Variants in XDH observed in about 807,000 individuals in gnomAD.
XDH encodes xanthine dehydrogenase.
XDH carries 138 observed loss-of-function variants against 156.1 expected under a neutral mutation model. That is an observed-to-expected ratio of 0.88 (90% CI 0.77 to 1.02). The LOEUF (loss-of-function observed/expected upper bound fraction) is 1.02, where lower values mean the gene tolerates loss of function less well. Ranked by LOEUF, XDH falls within the 50% of genes least tolerant of loss-of-function variation. The probability of loss-of-function intolerance (pLI) is 0.00; values close to 1 mark genes in which losing one functional copy is unlikely to be tolerated. For missense variants in XDH, 1,849 were observed against 1,684.9 expected, an observed-to-expected ratio of 1.10 and a Z score of -1.71; for synonymous variants, 669 against 625.7, an observed-to-expected ratio of 1.07 and a Z score of -1.03.
chr2:31,394,444 A>G (rs1686849939), intron 6 of XDH, among the ~76,000 whole-genome samples: 1 of 151,864 alleles, frequency 6.6e-6, no homozygotes, highest in South Asian at 2.1e-4. Flanking sequence ...CTTTCAAGTC[A>G]TTTTTCTTTA....
At chr2:31,336,661 A>G (rs372603496) in intron 35 of XDH, among the ~76,000 whole-genome samples, 4 of 150,770 alleles carry the variant, frequency 2.7e-5, no homozygotes, top group African/African-American at 9.8e-5. Flanking sequence ...AGACCCAAGG[A>G]AGACCTGAAT....
chr2:31,365,485 C>A lies in XDH; in HGVS notation c.2516G>T (p.Gly839Val), dbSNP rs1397388201. The stretch of plus-strand genomic sequence containing the variant: ...GTATCTGGCCAGGAAGGGATGTCTG[C>A]CACCAGTTATCAGCATGTCCTCATC... ...DRDEDMLITG[G>V]RHPFLARYKV... The change falls in exon 23 of 36, where the codon GGC becomes GTC. Residue 839 changes from glycine to valine, a missense_variant. Transcript: ENST00000379416. The A allele has an allele frequency of 6.2e-7, 1 of 1,614,086 alleles. No homozygotes were observed. The highest frequency in any genetic ancestry group is 1.3e-5 in the African/African-American group (1 of 74,936).
At chr2:31,359,178 A>G (rs1470443816) in intron 24 of XDH, among the ~76,000 whole-genome samples, 2 of 152,158 alleles carry the variant, frequency 1.3e-5, no homozygotes, top group East Asian at 3.9e-4. Flanking sequence ...ATCCCTAAAG[A>G]TTGTTGATTG....
chr2:31,414,661 T>A lies in XDH; in HGVS notation c.6A>T (p.Thr2=), dbSNP rs761536389. The change falls in exon 1 of 36, where the codon ACA becomes ACT. Residue 2 remains threonine, a synonymous_variant. Transcript: ENST00000379416. ...TCACAAAGAAAACCAATTTGTCTGC[T>A]GTCATTGTCACAGGTTGGGGTCCCC... is the stretch of plus-strand genomic sequence containing the variant. M[T]ADKLVFFVNG... 3 of 1,614,146 alleles carry A rather than the reference T, an allele frequency of 1.9e-6. No homozygotes were observed.
At chr2:31,353,771 A>T (rs1366421712) in intron 24 of XDH, among the ~76,000 whole-genome samples, 3 of 152,208 alleles carry the variant, frequency 2.0e-5, no homozygotes, top group Non-Finnish European at 4.4e-5. Context: ...AAGAAAACGT[A>T]GTCTCATTCC....
At chr2:31,358,582 G>A (rs147589309) in intron 24 of XDH, among the ~76,000 whole-genome samples, 4 of 152,110 alleles carry the variant, frequency 2.6e-5, no homozygotes, top group African/African-American at 7.2e-5. Flanking sequence ...TCATTCCAAG[G>A]ACAGTGGTTG....
At chr2:31,385,234 C>A (rs1344680450) in intron 9 of XDH, among the ~76,000 whole-genome samples, 1 of 152,152 alleles carries the variant, frequency 6.6e-6, no homozygotes, top group Non-Finnish European at 1.5e-5. Context: ...ATTCCCCCAG[C>A]CACCTTAAAT....
In XDH at chr2:31,377,157, T is replaced by A. The variant is rs765815500; in HGVS notation, c.1323A>T (p.Leu441Phe). The A allele has an allele frequency of 6.2e-7, 1 of 1,614,128 alleles. No homozygotes were observed. The stretch of plus-strand genomic sequence containing the variant: ...GTACCTCTGTGGTTCCTGGCTTGAA[T>A]AAAACTCTCATGCCACTGGTTACCT... ...IAKVTSGMRV[L>F]FKPGTTEVQE... Residue 441 changes from leucine (L) to phenylalanine (F), a missense_variant, in exon 14 of 36, where the codon TTA becomes TTT. Coordinates refer to ENST00000379416, the MANE Select transcript of XDH (RefSeq NM_000379.4).
chr2:31,377,302 C>A, intron 13 of XDH, 65 bp from the exon 14 acceptor site: 1 of 1,586,786 alleles, frequency 6.3e-7, no homozygotes, highest in South Asian at 1.1e-5. Context: ...ATGGCAGACC[C>A]AAACCACAGG....
chr2:31,345,529 G>A (rs567452269), intron 30 of XDH, among the ~76,000 whole-genome samples: 67 of 152,194 alleles, frequency 4.4e-4, no homozygotes, highest in African/African-American at 1.4e-3. Flanking sequence ...TGTCACACGC[G>A]CTATTTAGCA....
At chr2:31,351,713 C>T (rs960275517) in intron 24 of XDH, among the ~76,000 whole-genome samples, 3 of 152,198 alleles carry the variant, frequency 2.0e-5, no homozygotes, top group African/African-American at 2.4e-5. Context: ...TGACACCTTG[C>T]ATGTCTGAAA....
chr2:31,339,457 G>C lies in XDH; in HGVS notation c.3774+32C>G, dbSNP rs45591431. 0.015 allele frequency: 24,403 copies of C among 1,613,176 alleles called. 213 individuals are homozygous for C. Among genetic ancestry groups the C allele is most frequent in the Middle Eastern group, 0.021 (113 of 5,286 alleles). On this transcript the variant is annotated intron_variant, in intron 34 of 35. Transcript: ENST00000379416. Reference sequence around the variant, plus strand: ...CTGGGGCCTCCCCCAGGGCAGATCAGAAGAGACAGCACAGAGCCAGAGCAA... The same window carrying C: ...CTGGGGCCTCCCCCAGGGCAGATCACAAGAGACAGCACAGAGCCAGAGCAA...
Position 31,370,932 on chromosome 2 carries a change from C to T in XDH, c.1857-454G>A, listed in dbSNP as rs150274954. Among the ~76,000 whole-genome samples the T allele has an allele frequency of 3.3e-3, 501 of 152,320 alleles. 2 individuals are homozygous for T. Among genetic ancestry groups the T allele is most frequent in the Non-Finnish European group, 4.6e-3 (312 of 68,036 alleles). On this transcript the variant is annotated intron_variant, in intron 17 of 35. Transcript: ENST00000379416. ...CAAGTACAAGCAAGCCATATCAGAA[C>T]GAACAGCACTTACTCTGGAGCGCTC...
intron 24 of XDH, among the ~76,000 whole-genome samples, chr2:31,361,973 G>A (rs6543628): frequency 0.75 from 114,542 of 151,980 alleles, 43,230 homozygotes; most frequent in East Asian, 0.83. Context: ...GAAACAAAAG[G>A]CTAGATATAG....
chr2:31,350,262 C>T, intron 24 of XDH, 39 bp from the exon 25 acceptor site: 1 of 1,602,462 alleles, frequency 6.2e-7, no homozygotes, highest in Non-Finnish European at 8.5e-7. Flanking sequence ...GAACAGTGTA[C>T]TGATTGCATT....
intron 24 of XDH, among the ~76,000 whole-genome samples, chr2:31,353,361 G>A (rs545808767): frequency 6.6e-6 from 1 of 152,114 alleles, no homozygotes; most frequent in African/African-American, 2.4e-5. Context: ...TATCTTGTGA[G>A]AAACTCAACA....
intron 1 of XDH, among the ~76,000 whole-genome samples, chr2:31,406,858 C>T (rs1008384012): frequency 1.3e-5 from 2 of 152,132 alleles, no homozygotes; most frequent in African/African-American, 2.4e-5. Flanking sequence ...GCATGTGATG[C>T]GTATTAGTCA....
At chr2:31,371,697 G>A (rs972009105) in intron 17 of XDH, among the ~76,000 whole-genome samples, 3 of 152,110 alleles carry the variant, frequency 2.0e-5, no homozygotes, top group Admixed American at 2.0e-4. Context: ...CAGGGACCTG[G>A]ACAAGTTTAT....
chr2:31,348,175 G>C, intron 28 of XDH, 93 bp downstream of exon 28: 4 of 1,296,558 alleles, frequency 3.1e-6, no homozygotes. Flanking sequence ...GCCAGACCCC[G>C]GGCCTGCTTC....
Sources: gnomAD v4.1 joint callset for allele counts (sites outside exome capture counted in the v4.1 genomes callset) on GRCh38, gnomAD v4.1.1 for gene constraint, MANE v1.5 for transcripts, NCBI Gene and HGNC (gene_info 2026-07-23, HGNC 2026-07-21) for gene names.